ATP8A2: variants seen among roughly 807,000 people sequenced by gnomAD.
The protein encoded by ATP8A2 is phospholipid-transporting ATPase IB.
A neutral mutation model predicts 165.6 loss-of-function variants in ATP8A2; 100 were observed. The ratio of observed to expected loss-of-function variants is 0.60; its 90% confidence interval spans 0.51 to 0.71. The LOEUF is 0.71. ATP8A2 is among the 30% of genes least tolerant of loss of function. ATP8A2 has a pLI of 0.00. For missense variants in ATP8A2, 1,227 were observed against 1,479.5 expected, an observed-to-expected ratio of 0.83 and a Z score of 2.80; for synonymous variants, 543 against 548.8, an observed-to-expected ratio of 0.99 and a Z score of 0.15.
At chr13:25,423,118 C>T (rs555963168) in intron 1 of ATP8A2, among the ~76,000 whole-genome samples, 1 of 152,326 alleles carries the variant, frequency 6.6e-6, no homozygotes, top group Non-Finnish European at 1.5e-5. Flanking sequence ...CATCAACTTC[C>T]ACCCTCTGAC....
intron 2 of ATP8A2, among the ~76,000 whole-genome samples, chr13:25,503,762 A>G (rs1396412221): frequency 6.6e-6 from 1 of 152,222 alleles, no homozygotes; most frequent in Non-Finnish European, 1.5e-5. Flanking sequence ...AACAAGCCAC[A>G]GGATAAAGCC....
intron 1 of ATP8A2, among the ~76,000 whole-genome samples, chr13:25,399,933 C>T (rs181516607): frequency 2.0e-4 from 31 of 151,912 alleles, no homozygotes; most frequent in African/African-American, 7.5e-4. Flanking sequence ...TCCTTTTCTC[C>T]TTCTCTTTCT....
intron 33 of ATP8A2, among the ~76,000 whole-genome samples, chr13:25,886,312 T>C (rs1953152657): frequency 6.6e-6 from 1 of 152,158 alleles, no homozygotes; most frequent in Non-Finnish European, 1.5e-5. Flanking sequence ...TGGGATGAGG[T>C]CATAAAGCTA....
At chr13:25,577,039 A>T in intron 19 of ATP8A2, 30 bp from the exon 20 acceptor site, 1 of 1,592,590 alleles carries the variant, frequency 6.3e-7, no homozygotes, top group South Asian at 1.1e-5. Flanking sequence ...AAACAGACCA[A>T]TGATGACTTT....
At chr13:25,654,232 G>A (rs377441173) in intron 24 of ATP8A2, among the ~76,000 whole-genome samples, 1 of 149,690 alleles carries the variant, frequency 6.7e-6, no homozygotes, top group Non-Finnish European at 1.5e-5. Context: ...TTTAGACAGG[G>A]TCTCACTCTA....
intron 33 of ATP8A2, among the ~76,000 whole-genome samples, chr13:25,949,790 AAG>A (rs995984058): frequency 6.6e-6 from 1 of 152,098 alleles, no homozygotes; most frequent in African/African-American, 2.4e-5. Flanking sequence ...TTAAAAGTGA[AAG>A]AGAGTACAAA....
chr13:25,446,054 G>A (rs1272346833), intron 1 of ATP8A2, among the ~76,000 whole-genome samples: 1 of 152,196 alleles, frequency 6.6e-6, no homozygotes, highest in African/African-American at 2.4e-5. Context: ...GAGAGACAGA[G>A]AGAGATATGG....
chr13:25,952,390 T>TG (rs1348337519), intron 33 of ATP8A2, among the ~76,000 whole-genome samples: 2 of 151,436 alleles, frequency 1.3e-5, no homozygotes, highest in African/African-American at 2.4e-5. Flanking sequence ...TCTTCTTTTT[T>TG]TTTTTGCTCC....
intron 2 of ATP8A2, among the ~76,000 whole-genome samples, chr13:25,512,194 G>GCTGT (rs2037250502): frequency 6.6e-6 from 1 of 151,014 alleles, no homozygotes; most frequent in African/African-American, 2.4e-5. Flanking sequence ...GAGAGCACAG[G>GCTGT]GTTGGGGGTA....
chr13:25,557,881 C>G (rs1000296512), intron 13 of ATP8A2, among the ~76,000 whole-genome samples: 1 of 151,958 alleles, frequency 6.6e-6, no homozygotes. Flanking sequence ...TCTTAATAAG[C>G]CCTTATTATA....
At chr13:25,388,408 C>T (rs1055907937) in intron 1 of ATP8A2, among the ~76,000 whole-genome samples, 5 of 152,134 alleles carry the variant, frequency 3.3e-5, no homozygotes, top group African/African-American at 4.8e-5. Context: ...GCAAGACTCA[C>T]GTCTCTAACA....
intron 1 of ATP8A2, among the ~76,000 whole-genome samples, chr13:25,432,415 C>A (rs1384236426): frequency 3.3e-5 from 5 of 152,198 alleles, no homozygotes; most frequent in Non-Finnish European, 7.3e-5. Context: ...ACAGAAACCC[C>A]AGCCACTGCA....
At chr13:25,828,630 T>C (rs1163238839) in intron 28 of ATP8A2, among the ~76,000 whole-genome samples, 2 of 152,232 alleles carry the variant, frequency 1.3e-5, no homozygotes, top group Non-Finnish European at 2.9e-5. Flanking sequence ...AGGGTATCTG[T>C]CCTTGTGGAA....
rs1459187373 is a variant in ATP8A2, at chr13:25,399,568, T to A, written c.76+27280T>A. 6.2e-3 allele frequency among the ~76,000 whole-genome samples: 460 copies of A among 73,890 alleles called. 25 individuals carry two copies. The highest frequency in any genetic ancestry group is 0.018 in the African/African-American group (434 of 23,628). The allele number at this position is 73,890 out of a possible 152,430, so 48.5% of individuals were successfully genotyped here. On this transcript the variant is annotated intron_variant, in intron 1 of 36. Coordinates refer to ENST00000381655, the MANE Select transcript of ATP8A2 (RefSeq NM_016529.6). ...AGCCCGCCACCACGCCCGGCTAATTTTTTTTTTGTATTTTTAGTAGAGACG... is the reference window on the plus strand; with the variant it reads ...AGCCCGCCACCACGCCCGGCTAATTATTTTTTTGTATTTTTAGTAGAGACG...
rs1011125621 is a variant in ATP8A2 at position 25,512,030 on chromosome 13, C to T, written c.222-17969C>T. 5.9e-4 allele frequency among the ~76,000 whole-genome samples: 90 copies of T among 151,860 alleles called. 1 individual carries two copies. Among genetic ancestry groups the T allele is most frequent in the Admixed American group, 1.2e-3 (19 of 15,256 alleles). ...TAGTTTTCCTAGGCAGAGGACCCTG[C>T]GGCCTTCCGCAGTGTTTGTGTCCCT... On this transcript the variant is annotated intron_variant, in intron 2 of 36. Transcript: ENST00000381655.
Position 25,573,787 on chromosome 13 carries a change from C to T in ATP8A2, c.1663-1021C>T, listed in dbSNP as rs542236725. On this transcript the variant is annotated intron_variant, in intron 18 of 36. Coordinates refer to ENST00000381655, the MANE Select transcript of ATP8A2 (RefSeq NM_016529.6). ...GGACAGGCTGTGGAGAAAGGGAACT[C>T]GGAACTCGTGGATCCAGAGAAGTGA... is the stretch of plus-strand genomic sequence containing the variant. Among the ~76,000 whole-genome samples the T allele has an allele frequency of 4.6e-5, 7 of 152,094 alleles. No homozygotes were observed. The South Asian group carries it at 1.3e-3, about 27-fold the overall frequency.
intron 24 of ATP8A2, among the ~76,000 whole-genome samples, chr13:25,640,478 C>T (rs1457772413): frequency 6.6e-6 from 1 of 152,216 alleles, no homozygotes; most frequent in Non-Finnish European, 1.5e-5. Flanking sequence ...ATAAACACCT[C>T]TATGCAAATA....
At chr13:25,862,525 G>C in intron 33 of ATP8A2, 117 bp downstream of exon 33, 1 of 749,090 alleles carries the variant, frequency 1.3e-6, no homozygotes, top group Non-Finnish European at 2.3e-6. Flanking sequence ...GGAGAGGCTG[G>C]TCCTTCCTGC....
At chr13:25,788,360 T>TC (rs1343328605) in intron 27 of ATP8A2, among the ~76,000 whole-genome samples, 4 of 152,238 alleles carry the variant, frequency 2.6e-5, no homozygotes, top group Non-Finnish European at 4.4e-5. Flanking sequence ...GCTCTTCTAG[T>TC]CTGTTGTTCC....
Sources: gnomAD v4.1 joint callset for allele counts (sites outside exome capture counted in the v4.1 genomes callset) on GRCh38, gnomAD v4.1.1 for gene constraint, MANE v1.5 for transcripts, NCBI Gene and HGNC (gene_info 2026-07-23, HGNC 2026-07-21) for gene names.